ZFAT: variants seen among roughly 807,000 people sequenced by gnomAD.
ZFAT encodes the protein zinc finger and AT-hook domain containing, also known as zinc finger protein ZFAT.
Under a neutral mutation model 117.7 loss-of-function variants are expected in ZFAT, and 64 were observed. The ratio of observed to expected loss-of-function variants is 0.54; its 90% CI spans 0.44 to 0.67. The LOEUF (loss-of-function observed/expected upper bound fraction) is 0.67. Among genes scored for constraint, ZFAT ranks in the 30% least tolerant of loss-of-function variants. The probability of loss-of-function intolerance (pLI) is 0.00; values close to 1 mark genes in which losing one functional copy is unlikely to be tolerated. For synonymous variants in ZFAT, 679 were observed against 615.0 expected (o/e 1.10, Z -1.54); for missense variants, 1,433 against 1,584.5 (o/e 0.90, Z 1.62).
chr8:134,782,890 G>A, the ZFAT span, among the ~76,000 whole-genome samples: 3 of 151,912 alleles, frequency 2.0e-5, no homozygotes, highest in African/African-American at 7.3e-5. Context: ...AGACAAGTAA[G>A]TTTTATCATC....
chr8:134,539,874 G>T (rs1380268166), intron 11 of ZFAT, among the ~76,000 whole-genome samples: 1 of 152,110 alleles, frequency 6.6e-6, no homozygotes, highest in Non-Finnish European at 1.5e-5. Context: ...AGAGGGTCAG[G>T]TGTTAGGCCC....
the ZFAT span, among the ~76,000 whole-genome samples, chr8:134,771,913 G>A: frequency 6.6e-6 from 1 of 152,224 alleles, no homozygotes; most frequent in African/African-American, 2.4e-5. Flanking sequence ...TGTGGATGGA[G>A]GCAGGCAAAG....
chr8:134,752,589 G>A, the ZFAT span, among the ~76,000 whole-genome samples: 1 of 152,108 alleles, frequency 6.6e-6, no homozygotes, highest in African/African-American at 2.4e-5. Context: ...AGTCAGCTTG[G>A]GCTGCTAAAA....
At chr8:134,751,643 G>T in the ZFAT span, among the ~76,000 whole-genome samples, 1 of 152,144 alleles carries the variant, frequency 6.6e-6, no homozygotes, top group African/African-American at 2.4e-5. Flanking sequence ...CTGGAAGTAG[G>T]GCTGTACCTG....
chr8:134,514,002 A>C (rs1050361057), intron 13 of ZFAT, among the ~76,000 whole-genome samples: 1 of 152,270 alleles, frequency 6.6e-6, no homozygotes, highest in African/African-American at 2.4e-5. Flanking sequence ...CCGTGAAAGG[A>C]CAGGATGCAA....
intron 11 of ZFAT, among the ~76,000 whole-genome samples, chr8:134,563,082 A>G (rs1446520615): frequency 1.3e-5 from 2 of 152,196 alleles, no homozygotes; most frequent in Non-Finnish European, 2.9e-5. Context: ...CTAGTCCCCC[A>G]AAGAAGTACA....
the ZFAT span, chr8:134,784,281 ACC>A: frequency 6.6e-6 from 1 of 152,088 alleles, no homozygotes; most frequent in Non-Finnish European, 1.5e-5. Context: ...CTTTTAAGTT[ACC>A]TTTTTCTTCC....
At chr8:134,618,911 A>C (rs531450773) in intron 3 of ZFAT, among the ~76,000 whole-genome samples, 1 of 152,340 alleles carries the variant, frequency 6.6e-6, no homozygotes, top group African/African-American at 2.4e-5. Context: ...TCTGGAGTTT[A>C]CATGCTAGTG....
At chr8:134,754,499 A>G in the ZFAT span, among the ~76,000 whole-genome samples, 1 of 152,246 alleles carries the variant, frequency 6.6e-6, no homozygotes, top group Admixed American at 6.5e-5. Context: ...CACAGACTGC[A>G]TGTCCAACTC....
At chr8:134,532,524 C>T (rs1029506825) in intron 12 of ZFAT, among the ~76,000 whole-genome samples, 4 of 152,166 alleles carry the variant, frequency 2.6e-5, no homozygotes, top group Admixed American at 6.5e-5. Flanking sequence ...GCGAACTTTA[C>T]GCACGGACAA....
chr8:134,691,566 G>C (rs1833590169), intron 1 of ZFAT, among the ~76,000 whole-genome samples: 1 of 152,254 alleles, frequency 6.6e-6, no homozygotes, highest in South Asian at 2.1e-4. Flanking sequence ...CTGCTCGCTG[G>C]TTTTCAGACT....
chr8:134,538,510 A>G (rs1822005709), intron 11 of ZFAT, among the ~76,000 whole-genome samples: 1 of 152,166 alleles, frequency 6.6e-6, no homozygotes, highest in African/African-American at 2.4e-5. Context: ...CTCAAAAGGT[A>G]TATTGGGCCA....
the ZFAT span, among the ~76,000 whole-genome samples, chr8:134,817,618 A>T: frequency 1.3e-5 from 2 of 152,216 alleles, no homozygotes; most frequent in African/African-American, 4.8e-5. Flanking sequence ...TAAAATGTCA[A>T]TTCTTTCCAA....
intron 5 of ZFAT, among the ~76,000 whole-genome samples, chr8:134,605,026 C>G (rs60257886): frequency 0.012 from 1,762 of 152,292 alleles, 21 homozygotes; most frequent in African/African-American, 0.04. Context: ...TTTGCTCTGA[C>G]TTTTTGTATT....
intron 1 of ZFAT, among the ~76,000 whole-genome samples, chr8:134,710,280 C>T (rs1813942493): frequency 6.6e-6 from 1 of 152,214 alleles, no homozygotes; most frequent in African/African-American, 2.4e-5. Context: ...GAAGGGCCCT[C>T]ATGCAAGTAT....
At chr8:134,606,434 G>T (rs1827891638) in intron 5 of ZFAT, among the ~76,000 whole-genome samples, 1 of 152,258 alleles carries the variant, frequency 6.6e-6, no homozygotes, top group African/African-American at 2.4e-5. Context: ...AAAAGTGACA[G>T]CCGGGCACAG....
chr8:134,521,022 T>TAA, intron 12 of ZFAT, 21 bp from the exon 13 acceptor site: 4 of 1,425,342 alleles, frequency 2.8e-6, no homozygotes, highest in Non-Finnish European at 3.8e-6. Flanking sequence ...AGACAGAGGT[T>TAA]AAAAAAAAAA....
At chr8:134,776,847 C>T in the ZFAT span, among the ~76,000 whole-genome samples, 83 of 152,278 alleles carry the variant, frequency 5.5e-4, 1 homozygote, top group African/African-American at 1.9e-3. Context: ...GGTATCTGCA[C>T]GTTCAGATAA....
At chr8:134,603,490 C>A (rs1827665717) in intron 5 of ZFAT, among the ~76,000 whole-genome samples, 1 of 136,862 alleles carries the variant, frequency 7.3e-6, no homozygotes, top group African/African-American at 2.6e-5. Flanking sequence ...TTGGTTAAGC[C>A]AGACTTCCTA....
Sources: allele counts gnomAD v4.1 joint callset (sites outside exome capture counted in the v4.1 genomes callset), GRCh38; gene constraint gnomAD v4.1.1; transcripts MANE v1.5; gene names NCBI Gene and HGNC (gene_info 2026-07-23, HGNC 2026-07-21).